The following PCDHA1 variants were observed in gnomAD, a reference collection of about 807,000 sequenced individuals.
PCDHA1 encodes the protein protocadherin alpha 1.
Under a neutral mutation model 61.3 loss-of-function variants are expected in PCDHA1, and 42 were observed. The ratio of observed to expected loss-of-function variants is 0.69; its 90% confidence interval spans 0.54 to 0.89. PCDHA1 has a LOEUF of 0.89. PCDHA1 is among the 40% of genes least tolerant of loss of function. The probability of loss-of-function intolerance (pLI) is 0.00; values close to 1 mark genes in which losing one functional copy is unlikely to be tolerated. For missense variants in PCDHA1, 1,256 were observed against 1,235.3 expected, an observed-to-expected ratio of 1.02 and a Z score of -0.25; for synonymous variants, 610 against 553.8, an observed-to-expected ratio of 1.10 and a Z score of -1.43.
chr5:141,002,336 C>A (rs1236741058), intron 3 of PCDHA1, among the ~76,000 whole-genome samples: 3 of 152,084 alleles, frequency 2.0e-5, no homozygotes, highest in Non-Finnish European at 2.9e-5. Flanking sequence ...TGCATCCGCA[C>A]CCCTTCCCCC....
chr5:140,918,111 C>T (rs1035723043), intron 1 of PCDHA1, among the ~76,000 whole-genome samples: 1 of 152,016 alleles, frequency 6.6e-6, no homozygotes, highest in Non-Finnish European at 1.5e-5. Flanking sequence ...CTTTCACATC[C>T]TTGATTAGCC....
chr5:140,964,138 C>T (rs529852998), intron 1 of PCDHA1, among the ~76,000 whole-genome samples: 1 of 152,300 alleles, frequency 6.6e-6, no homozygotes, highest in Admixed American at 6.5e-5. Flanking sequence ...GTAAGGTTGG[C>T]AGGAGCCTCA....
chr5:140,797,537 A>T (rs924782991), intron 1 of PCDHA1: 2 of 756,140 alleles, frequency 2.6e-6, no homozygotes, highest in East Asian at 5.5e-5. Context: ...AACAATCTAC[A>T]TAACTGTTTT....
chr5:140,968,135 G>C (rs2096222877), intron 1 of PCDHA1: 2 of 1,614,034 alleles, frequency 1.2e-6, no homozygotes, highest in Non-Finnish European at 1.7e-6. Flanking sequence ...TACACTGAAG[G>C]TTGAGATCTC....
chr5:140,876,653 C>T (rs781890773), intron 1 of PCDHA1: 8 of 1,614,082 alleles, frequency 5.0e-6, no homozygotes, highest in Non-Finnish European at 6.8e-6. Context: ...CCTCATGTTC[C>T]CTTCAAGCTG....
At chr5:140,856,264 C>G in intron 1 of PCDHA1, 2 of 1,598,114 alleles carry the variant, frequency 1.3e-6, no homozygotes, top group Non-Finnish European at 1.7e-6. Flanking sequence ...GACACGGGGA[C>G]CTTCTGGAGG....
intron 3 of PCDHA1, among the ~76,000 whole-genome samples, chr5:141,007,393 TAC>T (rs2098323171): frequency 8.5e-5 from 2 of 23,408 alleles, no homozygotes; most frequent in East Asian, 1.4e-3. Flanking sequence ...TCTACTAAAA[TAC>T]AAAAAAAAAA....
chr5:140,926,827 C>G, intron 1 of PCDHA1: 1 of 1,500,674 alleles, frequency 6.7e-7, no homozygotes, highest in Non-Finnish European at 8.9e-7. Context: ...CTCCAGGAGT[C>G]CGGAGCATGG....
At chr5:140,959,541 C>T (rs2095493793) in intron 1 of PCDHA1, among the ~76,000 whole-genome samples, 1 of 152,002 alleles carries the variant, frequency 6.6e-6, no homozygotes, top group Non-Finnish European at 1.5e-5. Flanking sequence ...TTCAGAGATG[C>T]TGTATAAATA....
In PCDHA1 at chr5:140,946,611, A is replaced by AATATATATATATAT. The variant is rs1554217734; in HGVS notation, c.2395-32330_2395-32317dup. Among the ~76,000 whole-genome samples the AATATATATATATAT allele has an allele frequency of 6.8e-3, 593 of 86,748 alleles. 22 individuals are homozygous for AATATATATATATAT. Among genetic ancestry groups the AATATATATATATAT allele is most frequent in the African/African-American group, 0.021 (323 of 15,664 alleles). The allele number at this position is 86,748 out of a possible 152,430, so 56.9% of individuals were successfully genotyped here. A position where few individuals can be genotyped will look rare whatever the true frequency, so the allele number is the denominator to read the frequency against. On this transcript the variant is annotated intron_variant, in intron 1 of 3. Coordinates refer to ENST00000504120, the MANE Select transcript of PCDHA1 (RefSeq NM_018900.4). ...GGATGAATAGATAAAGAAAATGTGA[A>AATATATATATATAT]ATATATATATATATATATATACAAT... is the stretch of plus-strand genomic sequence containing the variant.
intron 1 of PCDHA1, among the ~76,000 whole-genome samples, chr5:140,890,854 T>G (rs1320462436): frequency 6.6e-6 from 1 of 152,232 alleles, no homozygotes; most frequent in Non-Finnish European, 1.5e-5. Context: ...TTTCTCTTCC[T>G]TACTTCTTGC....
At chr5:140,857,346 C>T (rs782309251) in intron 1 of PCDHA1, 1 of 1,598,444 alleles carries the variant, frequency 6.3e-7, no homozygotes, top group South Asian at 1.1e-5. Flanking sequence ...GGCTCGCCTC[C>T]GCTGTGGGCC....
At chr5:140,861,307 G>T in intron 1 of PCDHA1, 2 of 192,584 alleles carry the variant, frequency 1.0e-5, no homozygotes, top group South Asian at 9.6e-5. Flanking sequence ...AAGCGGGAAA[G>T]GACCAGTTCC....
intron 1 of PCDHA1, among the ~76,000 whole-genome samples, chr5:140,954,551 T>C (rs2095055563): frequency 6.6e-6 from 1 of 152,250 alleles, no homozygotes; most frequent in South Asian, 2.1e-4. Context: ...ATATGTTTGT[T>C]GGCTGCATGA....
At chr5:140,803,291 G>A (rs140993239) in intron 1 of PCDHA1, 38 of 1,614,108 alleles carry the variant, frequency 2.4e-5, no homozygotes, top group African/African-American at 1.3e-4. Context: ...ATGTCAACGT[G>A]TACTTGATCG....
At chr5:140,899,714 T>C (rs1554188719) in intron 1 of PCDHA1, among the ~76,000 whole-genome samples, 1 of 152,242 alleles carries the variant, frequency 6.6e-6, no homozygotes, top group African/African-American at 2.4e-5. Context: ...TAGGGAGGAT[T>C]CCCTCTTTTT....
At chr5:140,936,419 TTTAA>T (rs1159041231) in intron 1 of PCDHA1, among the ~76,000 whole-genome samples, 4 of 152,184 alleles carry the variant, frequency 2.6e-5, no homozygotes, top group Non-Finnish European at 5.9e-5. Context: ...TGTTACTAAT[TTTAA>T]TTAATTTAAG....
At chr5:140,791,088 T>C (rs1554118618) in intron 1 of PCDHA1, among the ~76,000 whole-genome samples, 2 of 152,248 alleles carry the variant, frequency 1.3e-5, no homozygotes, top group Non-Finnish European at 2.9e-5. Context: ...ACTAGTAAGG[T>C]ATCATTTGAG....
At chr5:140,815,021 G>A (rs2126660936) in intron 1 of PCDHA1, 1 of 151,964 alleles carries the variant, frequency 6.6e-6, no homozygotes, top group East Asian at 1.9e-4. Context: ...CACTCTTTTG[G>A]TTACAATTTG....
Sources: gnomAD v4.1 joint callset for allele counts (sites outside exome capture counted in the v4.1 genomes callset) on GRCh38, gnomAD v4.1.1 for gene constraint, MANE v1.5 for transcripts, NCBI Gene and HGNC (gene_info 2026-07-23, HGNC 2026-07-21) for gene names.